TPO: variants seen among roughly 807,000 people sequenced by gnomAD.
TPO encodes thyroid microsomal antigen.
In TPO, 78 loss-of-function variants were observed where a neutral mutation model predicts 96.9. That is an observed-to-expected ratio of 0.81 (90% CI 0.67 to 0.97). The LOEUF (loss-of-function observed/expected upper bound fraction) is 0.97, where lower values mean the gene tolerates loss of function less well. TPO is among the 50% of genes least tolerant of loss of function. The pLI, the probability that TPO is intolerant of heterozygous loss-of-function variation, is 0.00. For missense variants in TPO, 1,252 were observed against 1,274.8 expected, an observed-to-expected ratio of 0.98 and a Z score of 0.27; for synonymous variants, 547 against 538.0, an observed-to-expected ratio of 1.02 and a Z score of -0.23.
intron 13 of TPO, among the ~76,000 whole-genome samples, chr2:1,498,333 C>T (rs927304200): frequency 3.3e-5 from 5 of 152,118 alleles, no homozygotes; most frequent in East Asian, 1.9e-4. Flanking sequence ...GGTGCCCTCC[C>T]GGGAGCCACC....
At chr2:1,530,656 C>G (rs1301048604) in intron 15 of TPO, among the ~76,000 whole-genome samples, 6 of 103,636 alleles carry the variant, frequency 5.8e-5, no homozygotes, top group Non-Finnish European at 9.4e-5. Context: ...TCCCCAAATC[C>G]CCCACACTGT....
At position 1,474,299 on chromosome 2, in the gene TPO, C is replaced by G. The variant is rs773208326; in HGVS notation, c.820-2787C>G. ...GAAAATACAACTCTATTCTCCAACA[C>G]GGAACCATTCTGTGAATAGATTCTA... On this transcript the variant is annotated intron_variant, in intron 7 of 16. Coordinates refer to ENST00000329066, the MANE Select transcript of TPO (RefSeq NM_001206744.2). Among the ~76,000 whole-genome samples, 9 of 152,198 alleles carry G rather than the reference C, an allele frequency of 5.9e-5. 1 individual carries two copies. Among genetic ancestry groups the G allele is most frequent in the African/African-American group, 2.2e-4 (9 of 41,454 alleles).
At chr2:1,463,036 G>GA (rs1668589337) in intron 7 of TPO, among the ~76,000 whole-genome samples, 1 of 152,146 alleles carries the variant, frequency 6.6e-6, no homozygotes, top group Non-Finnish European at 1.5e-5. Context: ...TGTACTTAGA[G>GA]AAAAATAACA....
intron 10 of TPO, 37 bp from the exon 11 acceptor site, chr2:1,493,765 T>G: frequency 1.2e-6 from 2 of 1,612,192 alleles, no homozygotes; most frequent in South Asian, 2.2e-5. Flanking sequence ...AAAGTTCAGT[T>G]CTGTGAGAGA....
chr2:1,492,602 G>A (rs994636857), intron 10 of TPO, among the ~76,000 whole-genome samples: 1 of 152,152 alleles, frequency 6.6e-6, no homozygotes, highest in Non-Finnish European at 1.5e-5. Context: ...CCAACTGGAG[G>A]ATGCCTGGCT....
At chr2:1,486,003 A>G (rs1322685526) in intron 9 of TPO, among the ~76,000 whole-genome samples, 1 of 152,148 alleles carries the variant, frequency 6.6e-6, no homozygotes, top group African/African-American at 2.4e-5. Flanking sequence ...GGTATTGCCT[A>G]AGTTTTCTTC....
chr2:1,441,273 T>A (rs1416268702), intron 5 of TPO, among the ~76,000 whole-genome samples: 1 of 152,198 alleles, frequency 6.6e-6, no homozygotes, highest in Non-Finnish European at 1.5e-5. Context: ...TTCTTGTTGG[T>A]ACGGTGTGGC....
chr2:1,533,379 C>A (rs1419980105), intron 15 of TPO, among the ~76,000 whole-genome samples: 3 of 133,446 alleles, frequency 2.2e-5, no homozygotes, highest in Non-Finnish European at 4.7e-5. Flanking sequence ...TGTGCAACCT[C>A]CTCAAATCCC....
intron 2 of TPO, among the ~76,000 whole-genome samples, chr2:1,421,259 A>G (rs1031971055): frequency 2.0e-5 from 3 of 152,034 alleles, no homozygotes; most frequent in Non-Finnish European, 4.4e-5. Context: ...AAACCATCCT[A>G]AGACGTAACT....
chr2:1,478,826 GGGCTCACTGTCCTAACACGCATCCACAC>G (rs1670250910), intron 8 of TPO, among the ~76,000 whole-genome samples: 1 of 151,292 alleles, frequency 6.6e-6, no homozygotes, highest in African/African-American at 2.5e-5. Context: ...CACGGCAGAC[GGGCTCACTGTCCTAACACGCATCCACAC>G]AGCAAACACA....
intron 3 of TPO, among the ~76,000 whole-genome samples, chr2:1,428,293 C>T (rs542617048): frequency 4.2e-4 from 64 of 152,344 alleles, no homozygotes; most frequent in African/African-American, 1.5e-3. Context: ...ATGAACAGAG[C>T]AGACTGTGGC....
upstream of TPO, among the ~76,000 whole-genome samples, chr2:1,408,992 T>G (rs1662287145): frequency 6.6e-6 from 1 of 152,170 alleles, no homozygotes; most frequent in African/African-American, 2.4e-5. Flanking sequence ...GGGTCCCTGG[T>G]CAGGAGGCTG....
chr2:1,381,651 A>C (rs780280394), intron 1 of TPO, among the ~76,000 whole-genome samples: 2 of 152,224 alleles, frequency 1.3e-5, no homozygotes, highest in African/African-American at 2.4e-5. Flanking sequence ...TCTTAGCTAT[A>C]CTAATAAAAT....
intron 1 of TPO, among the ~76,000 whole-genome samples, chr2:1,407,993 G>A (rs560440396): frequency 9.9e-5 from 15 of 152,284 alleles, no homozygotes; most frequent in South Asian, 4.1e-4. Flanking sequence ...GGACTGACAC[G>A]TAATTTGGAA....
In TPO at chr2:1,426,377, T is replaced by C. The variant is rs192144530; in HGVS notation, c.179+3248T>C. ...CCGTGCTCCTTCCATAAAGTCATTT[T>C]TCTAGATGCCGGGATACAGAGATGA... On this transcript the variant is annotated intron_variant, in intron 3 of 16. Transcript: ENST00000329066. Among the ~76,000 whole-genome samples the C allele has an allele frequency of 5.5e-3, 836 of 150,880 alleles. 2 individuals are homozygous for C. Among genetic ancestry groups the C allele is most frequent in the African/African-American group, 0.018 (767 of 41,462 alleles).
At chr2:1,471,776 G>A (rs893173359) in intron 7 of TPO, among the ~76,000 whole-genome samples, 7 of 152,166 alleles carry the variant, frequency 4.6e-5, no homozygotes, top group African/African-American at 7.2e-5. Context: ...AGCTGGTGTA[G>A]ACAGCATAGT....
intron 14 of TPO, among the ~76,000 whole-genome samples, chr2:1,505,635 A>G (rs1428201235): frequency 6.6e-6 from 1 of 151,812 alleles, no homozygotes; most frequent in East Asian, 1.9e-4. Context: ...AAAAAAAGTG[A>G]TAAATGATGT....
chr2:1,473,184 G>C (rs932761444), intron 7 of TPO, among the ~76,000 whole-genome samples: 1 of 152,172 alleles, frequency 6.6e-6, no homozygotes. Context: ...TTTGGTTCAG[G>C]AATCTCCTTT....
In TPO at chr2:1,416,413, C is replaced by G. The variant is rs1023659960; in HGVS notation, c.94+1911C>G. On this transcript the variant is annotated intron_variant, in intron 2 of 16. Transcript: ENST00000329066. ...CTGAGCAAGTTGTGATACATGAGAG[C>G]TATTCAACAAAATATTTAAAACTTT... Among the ~76,000 whole-genome samples, 17 of 152,334 alleles carry G rather than the reference C, an allele frequency of 1.1e-4. No individual in the cohort carries two copies. The South Asian group carries it at 2.5e-3, about 22-fold the overall frequency.
Sources: gnomAD v4.1 joint callset for allele counts (sites outside exome capture counted in the v4.1 genomes callset) on GRCh38, gnomAD v4.1.1 for gene constraint, MANE v1.5 for transcripts, NCBI Gene and HGNC (gene_info 2026-07-23, HGNC 2026-07-21) for gene names.